HERC3: variants seen among roughly 807,000 people sequenced by gnomAD.
HERC3 encodes the protein probable E3 ubiquitin-protein ligase HERC3.
A neutral mutation model predicts 129.9 loss-of-function variants in HERC3; 58 were observed. The ratio of observed to expected loss-of-function variants is 0.45; its 90% CI spans 0.36 to 0.56. HERC3 has a LOEUF of 0.56. Among genes scored for constraint, HERC3 ranks in the 20% least tolerant of loss-of-function variants. The pLI is 0.00. For synonymous variants in HERC3, 430 were observed against 451.0 expected (o/e 0.95, Z 0.59); for missense variants, 835 against 1,244.2 (o/e 0.67, Z 4.95).
chr4:88,691,111 G>C (rs1734027140), intron 23 of HERC3, among the ~76,000 whole-genome samples: 1 of 152,172 alleles, frequency 6.6e-6, no homozygotes, highest in Non-Finnish European at 1.5e-5. Flanking sequence ...AACATGAAAG[G>C]TGCTCTGTAA....
In HERC3 at chr4:88,667,506, TA is replaced by T; in HGVS notation, c.1443+21del. ...TAGAACAGGTATGTTTCTATATTTG[TA>T]AAGTGCATTCTTAAAAATGCATTTT... On this transcript the variant is annotated intron_variant, in intron 13 of 25. Transcript: ENST00000402738. 1 of 1,344,658 alleles carries T rather than the reference TA, an allele frequency of 7.4e-7. No individual in the cohort carries two copies. Among genetic ancestry groups the T allele is most frequent in the Non-Finnish European group, 1.0e-6 (1 of 961,386 alleles). 83.3% of individuals were successfully genotyped at this position (1,344,658 alleles called of 1,614,324 possible). A position where few individuals can be genotyped will look rare whatever the true frequency, so the allele number is the denominator to read the frequency against.
chr4:88,658,536 T>A, intron 10 of HERC3, 45 bp downstream of exon 10: 1 of 955,638 alleles, frequency 1.0e-6, no homozygotes. Context: ...GGAATAATAG[T>A]GAACCAACAT....
the HERC3 span, among the ~76,000 whole-genome samples, chr4:88,539,119 C>T: frequency 5.2e-4 from 79 of 152,162 alleles, no homozygotes; most frequent in Admixed American, 1.2e-3. Flanking sequence ...TGTGGGGCAT[C>T]GCCTCACCTG....
intron 1 of HERC3, among the ~76,000 whole-genome samples, chr4:88,593,726 C>G (rs968599975): frequency 6.6e-6 from 1 of 152,154 alleles, no homozygotes; most frequent in Non-Finnish European, 1.5e-5. Flanking sequence ...ATTTCTAGAA[C>G]CTTTTATTTG....
the HERC3 span, among the ~76,000 whole-genome samples, chr4:88,525,517 G>A: frequency 6.6e-6 from 1 of 152,182 alleles, no homozygotes; most frequent in Non-Finnish European, 1.5e-5. Flanking sequence ...AGCTAGCTTG[G>A]CTGACAGATC....
intron 16 of HERC3, among the ~76,000 whole-genome samples, chr4:88,670,732 A>G (rs954341172): frequency 2.0e-5 from 3 of 152,148 alleles, no homozygotes; most frequent in African/African-American, 4.8e-5. Flanking sequence ...ACCATAATTA[A>G]AAAAACAAGA....
chr4:88,670,698 A>G lies in HERC3; in HGVS notation c.1911+446A>G, dbSNP rs372838349. Reference sequence around the variant, plus strand: ...CACTTAAAAATGCTTAAGATGGTACATGTTATGTTAGGTTTTTTTTTAAAC... The same window carrying G: ...CACTTAAAAATGCTTAAGATGGTACGTGTTATGTTAGGTTTTTTTTTAAAC... On this transcript the variant is annotated intron_variant, in intron 16 of 25. Transcript: ENST00000402738. 6.6e-5 allele frequency among the ~76,000 whole-genome samples: 10 copies of G among 152,110 alleles called. No homozygotes were observed. The East Asian group carries it at 1.9e-3, about 29-fold the overall frequency.
chr4:88,610,882 C>T (rs1394199293), intron 3 of HERC3, among the ~76,000 whole-genome samples: 1 of 152,218 alleles, frequency 6.6e-6, no homozygotes, highest in African/African-American at 2.4e-5. Context: ...GTTGCTGGGC[C>T]TCTGGATGTG....
rs1731445149 is a variant in HERC3, at chr4:88,670,017, A to G, written c.1791A>G (p.Leu597=). ...CAGCTCTCAAACTCTTGGAGAAGTT[A>G]TATAAGGTGAGCATAGGAGGTGCTA... ...ITAALKLLEK[L]YKVNLKVKHV... The change falls in exon 15 of 26, where the codon TTA becomes TTG. Residue 597 remains leucine, a synonymous_variant. Coordinates refer to ENST00000402738, the MANE Select transcript of HERC3 (RefSeq NM_014606.3). 1.2e-6 allele frequency: 2 copies of G among 1,613,786 alleles called. No individual in the cohort carries two copies. Among genetic ancestry groups the G allele is most frequent in the African/African-American group, 2.7e-5 (2 of 75,038 alleles).
chr4:88,528,067 A>G, the HERC3 span: 1 of 296,730 alleles, frequency 3.4e-6, no homozygotes, highest in South Asian at 3.4e-5. Context: ...GTATATCAGA[A>G]TCATCACCAT....
intron 13 of HERC3, 39 bp from the exon 14 acceptor site, chr4:88,667,853 G>GT (rs1560740435): frequency 7.0e-7 from 1 of 1,433,966 alleles, no homozygotes; most frequent in South Asian, 1.2e-5. Context: ...TAGATCTCAA[G>GT]TATGTTTGAA....
At chr4:88,648,986 A>G (rs1245082136) in intron 3 of HERC3, among the ~76,000 whole-genome samples, 1 of 151,630 alleles carries the variant, frequency 6.6e-6, no homozygotes, top group African/African-American at 2.4e-5. Flanking sequence ...ACTTTCCTAT[A>G]GCACTCTCTT....
intron 21 of HERC3, among the ~76,000 whole-genome samples, chr4:88,686,405 A>G (rs933165632): frequency 2.0e-5 from 3 of 152,170 alleles, no homozygotes; most frequent in African/African-American, 7.2e-5. Flanking sequence ...CCATCTCCTC[A>G]TTTATATGTA....
the HERC3 span, among the ~76,000 whole-genome samples, chr4:88,539,272 C>T: frequency 1.3e-5 from 2 of 152,198 alleles, no homozygotes; most frequent in Non-Finnish European, 2.9e-5. Context: ...GATTCCCTCC[C>T]GTGCCTGGCT....
the HERC3 span, among the ~76,000 whole-genome samples, chr4:88,526,680 T>G: frequency 6.6e-6 from 1 of 151,978 alleles, no homozygotes. Context: ...GGAATACAGG[T>G]GCATGCCACC....
At chr4:88,562,204 A>T in the HERC3 span, among the ~76,000 whole-genome samples, 5 of 152,146 alleles carry the variant, frequency 3.3e-5, no homozygotes, top group African/African-American at 1.2e-4. Flanking sequence ...TTGGGGTGAG[A>T]TGATATCTCA....
At chr4:88,629,082 T>C (rs764814313) in intron 3 of HERC3, among the ~76,000 whole-genome samples, 4 of 152,130 alleles carry the variant, frequency 2.6e-5, no homozygotes, top group Non-Finnish European at 4.4e-5. Context: ...AGCTTGAACC[T>C]GGGAGGTGGA....
At chr4:88,697,512 G>T (rs768177364) in intron 23 of HERC3, 1 of 1,614,056 alleles carries the variant, frequency 6.2e-7, no homozygotes, top group Non-Finnish European at 8.5e-7. Context: ...TGAGGGCCAG[G>T]ACTCGGCATT....
intron 5 of HERC3, 21 bp from the exon 6 acceptor site, chr4:88,652,848 C>G: frequency 5.0e-6 from 8 of 1,584,708 alleles, no homozygotes; most frequent in Non-Finnish European, 6.0e-6. Flanking sequence ...TATGGTAATA[C>G]CAGTTATCCT....
Sources: allele counts gnomAD v4.1 joint callset (sites outside exome capture counted in the v4.1 genomes callset), GRCh38; gene constraint gnomAD v4.1.1; transcripts MANE v1.5; gene names NCBI Gene and HGNC (gene_info 2026-07-23, HGNC 2026-07-21).